Variants in AGO2 observed in about 807,000 individuals in gnomAD.
The protein encoded by AGO2 is argonaute RISC catalytic component 2.
In AGO2, 5 loss-of-function variants were observed where a neutral mutation model predicts 102.3. The ratio of observed to expected loss-of-function variants is 0.05; its 90% CI spans 0.03 to 0.10. The LOEUF is 0.10. AGO2 is among the 10% of genes least tolerant of loss of function. The probability of loss-of-function intolerance (pLI) is 1.00; values close to 1 mark genes in which losing one functional copy is unlikely to be tolerated. For missense variants in AGO2, 541 were observed against 1,183.7 expected (o/e 0.46, Z 7.97); for synonymous variants, 449 against 473.1 (o/e 0.95, Z 0.66).
intron 2 of AGO2, 127 bp from the exon 3 acceptor site, chr8:140,573,059 G>A (rs1372398173): frequency 8.7e-7 from 1 of 1,155,604 alleles, no homozygotes; most frequent in African/African-American, 1.6e-5. Flanking sequence ...GCCCAGGCTG[G>A]AGTGCAATGG....
intron 1 of AGO2, among the ~76,000 whole-genome samples, chr8:140,629,351 G>A (rs1301095589): frequency 1.3e-5 from 2 of 152,038 alleles, no homozygotes; most frequent in Non-Finnish European, 2.9e-5. Flanking sequence ...TTCAGCGCAG[G>A]CGCCCGTGCC....
chr8:140,632,596 TG>T (rs2074355449), intron 1 of AGO2, among the ~76,000 whole-genome samples: 1 of 152,164 alleles, frequency 6.6e-6, no homozygotes, highest in South Asian at 2.1e-4. Flanking sequence ...GACAATATCC[TG>T]GGGGCAGGCA....
At chr8:140,564,503 C>G (rs2132951514) in intron 3 of AGO2, among the ~76,000 whole-genome samples, 1 of 152,352 alleles carries the variant, frequency 6.6e-6, no homozygotes, top group East Asian at 1.9e-4. Context: ...CCTGAGATAG[C>G]AAGACCAAGC....
intron 2 of AGO2, among the ~76,000 whole-genome samples, chr8:140,582,189 C>T (rs1305388805): frequency 1.3e-5 from 2 of 152,150 alleles, no homozygotes; most frequent in South Asian, 2.1e-4. Flanking sequence ...ATTATTTAAT[C>T]GGATTTCAAG....
At position 140,557,706 on chromosome 8, in the gene AGO2, G is replaced by A. The variant is rs182960692; in HGVS notation, c.879-470C>T. 6.6e-6 allele frequency among the ~76,000 whole-genome samples: 1 copy of A among 152,348 alleles called. No homozygotes were observed. The highest frequency in any genetic ancestry group is 1.5e-5 in the Non-Finnish European group (1 of 68,032). On this transcript the variant is annotated intron_variant, in intron 7 of 18. Coordinates refer to ENST00000220592, the MANE Select transcript of AGO2 (RefSeq NM_012154.5). This position sits in a 1 kb window ranked among gnomAD's most constrained non-coding sequence, Gnocchi z 5.9. ...GCCTGGGTGCAGTATGGGTGAGTGA[G>A]GGGGAGGCCCACAGGCACAGGAAGG...
chr8:140,582,009 A>C (rs910500598), intron 2 of AGO2, among the ~76,000 whole-genome samples: 1 of 152,272 alleles, frequency 6.6e-6, no homozygotes, highest in Non-Finnish European at 1.5e-5. Flanking sequence ...CATTTATAAT[A>C]GCATCCAAGA....
intron 1 of AGO2, among the ~76,000 whole-genome samples, chr8:140,599,607 C>A (rs1047967824): frequency 6.6e-6 from 1 of 152,192 alleles, no homozygotes; most frequent in African/African-American, 2.4e-5. Context: ...AAATTTCACA[C>A]GCTCACCCGG....
At chr8:140,566,456 A>C (rs1309883768) in intron 3 of AGO2, among the ~76,000 whole-genome samples, 1 of 152,252 alleles carries the variant, frequency 6.6e-6, no homozygotes, top group African/African-American at 2.4e-5. Context: ...GGCCAACTGT[A>C]CATATATTTC....
rs1248651250 is a variant in AGO2, at chr8:140,557,761, G to A, written c.879-525C>T. On this transcript the variant is annotated intron_variant, in intron 7 of 18. Coordinates refer to ENST00000220592, the MANE Select transcript of AGO2 (RefSeq NM_012154.5). The surrounding 1 kb of genome is among the most constrained non-coding windows in gnomAD (Gnocchi z 5.9). The stretch of plus-strand genomic sequence containing the variant: ...GCCTCTGTGTGGGGATGAGGGCACG[G>A]GGGCTGCTAGTGCAGGGCAAAGGGC... Among the ~76,000 whole-genome samples the A allele has an allele frequency of 6.6e-6, 1 of 152,328 alleles. No homozygotes were observed. The highest frequency in any genetic ancestry group is 1.9e-4 in the East Asian group (1 of 5,174).
chr8:140,543,049 A>C (rs924981497), intron 14 of AGO2, among the ~76,000 whole-genome samples: 3 of 152,124 alleles, frequency 2.0e-5, no homozygotes, highest in African/African-American at 7.2e-5. Context: ...AGGTGGGAGA[A>C]TTGCTTGAAC....
At chr8:140,562,317 A>G (rs2073215167) in intron 4 of AGO2, 136 bp downstream of exon 4, 2 of 1,044,342 alleles carry the variant, frequency 1.9e-6, no homozygotes, top group Admixed American at 5.7e-5. Flanking sequence ...TGTTATCTTC[A>G]TCACAGAAAA....
chr8:140,551,141 G>A (rs556795334), intron 11 of AGO2, among the ~76,000 whole-genome samples, 162 bp downstream of exon 11: 39 of 152,274 alleles, frequency 2.6e-4, no homozygotes, highest in Non-Finnish European at 5.0e-4. Flanking sequence ...GCCCTGGCCC[G>A]GCCAATGGTA....
At chr8:140,587,398 C>T (rs538019333) in intron 1 of AGO2, among the ~76,000 whole-genome samples, 1 of 152,336 alleles carries the variant, frequency 6.6e-6, no homozygotes, top group African/African-American at 2.4e-5. Flanking sequence ...GGCAGAGGGG[C>T]CAGGGAAGGT....
In AGO2 at chr8:140,591,115, G is replaced by C. The variant is rs561116905; in HGVS notation, c.23-5804C>G. Among the ~76,000 whole-genome samples the C allele has an allele frequency of 2.0e-5, 3 of 152,358 alleles. No individual in the cohort carries two copies. The East Asian group carries it at 5.8e-4, about 29-fold the overall frequency. Reference sequence around the variant, plus strand: ...CCCGGGTGGGGGCAGTCCTCACAGCGGGGGCAGCGGAGCTGTCCTCAGCAG... The same window carrying C: ...CCCGGGTGGGGGCAGTCCTCACAGCCGGGGCAGCGGAGCTGTCCTCAGCAG... On this transcript the variant is annotated intron_variant, in intron 1 of 18. Coordinates refer to ENST00000220592, the MANE Select transcript of AGO2 (RefSeq NM_012154.5).
intron 16 of AGO2, among the ~76,000 whole-genome samples, chr8:140,536,260 T>C (rs1588435506): frequency 6.6e-6 from 1 of 152,158 alleles, no homozygotes; most frequent in African/African-American, 2.4e-5. Flanking sequence ...TGATGAATGT[T>C]TTCTAGTTGT....
At chr8:140,616,045 C>T (rs1346901158) in intron 1 of AGO2, among the ~76,000 whole-genome samples, 2 of 152,234 alleles carry the variant, frequency 1.3e-5, no homozygotes, top group African/African-American at 4.8e-5. Context: ...ACCCTCAGAG[C>T]ATGTGCCTTC....
At chr8:140,553,212 C>T (rs1357228516) in intron 10 of AGO2, among the ~76,000 whole-genome samples, 6 of 151,988 alleles carry the variant, frequency 3.9e-5, no homozygotes, top group Admixed American at 3.9e-4. Flanking sequence ...ATAGTGAGAC[C>T]TCGTCTCTAC....
intron 2 of AGO2, among the ~76,000 whole-genome samples, chr8:140,577,122 G>A (rs2073477513): frequency 6.7e-6 from 1 of 150,038 alleles, no homozygotes. Flanking sequence ...GCACGAGAAT[G>A]GCGTGAACCC....
intron 3 of AGO2, among the ~76,000 whole-genome samples, chr8:140,565,616 T>C (rs528731544): frequency 1.8e-4 from 27 of 149,814 alleles, no homozygotes; most frequent in Non-Finnish European, 3.1e-4. Flanking sequence ...ACTCCAGCCC[T>C]GGGGATCAGA....
Sources: allele counts gnomAD v4.1 joint callset (sites outside exome capture counted in the v4.1 genomes callset), GRCh38; gene constraint gnomAD v4.1.1; non-coding constraint Gnocchi (gnomAD v3.1); transcripts MANE v1.5; gene names NCBI Gene and HGNC (gene_info 2026-07-23, HGNC 2026-07-21).